MAGI1: variants seen among roughly 807,000 people sequenced by gnomAD.
MAGI1 encodes the protein membrane associated guanylate kinase, WW and PDZ domain containing 1.
Under a neutral mutation model 139.9 loss-of-function variants are expected in MAGI1, and 58 were observed. That is an observed-to-expected ratio of 0.41 (90% CI 0.34 to 0.52). The LOEUF (loss-of-function observed/expected upper bound fraction) is 0.52, where lower values mean the gene tolerates loss of function less well. MAGI1 is among the 20% of genes least tolerant of loss of function. MAGI1 has a pLI of 0.12. For synonymous variants in MAGI1, 812 were observed against 737.9 expected, an observed-to-expected ratio of 1.10 and a Z score of -1.63; for missense variants, 1,874 against 1,901.6, an observed-to-expected ratio of 0.99 and a Z score of 0.27.
chr3:65,753,376 C>A (rs959031324), intron 1 of MAGI1, among the ~76,000 whole-genome samples: 1 of 152,090 alleles, frequency 6.6e-6, no homozygotes, highest in African/African-American at 2.4e-5. Context: ...TGAATCTTCA[C>A]CAAAAACACC....
At chr3:65,742,271 A>G (rs768792405) in intron 1 of MAGI1, among the ~76,000 whole-genome samples, 1 of 152,148 alleles carries the variant, frequency 6.6e-6, no homozygotes, top group Non-Finnish European at 1.5e-5. Context: ...TTACATCATT[A>G]TTTCATTAAT....
At chr3:65,363,115 G>A (rs1249940338) in intron 21 of MAGI1, among the ~76,000 whole-genome samples, 2 of 152,112 alleles carry the variant, frequency 1.3e-5, no homozygotes, top group Non-Finnish European at 2.9e-5. Flanking sequence ...AAGCATCCCA[G>A]GGTACCCCAG....
intron 1 of MAGI1, among the ~76,000 whole-genome samples, chr3:65,748,877 G>A (rs1030360492): frequency 2.0e-5 from 3 of 152,114 alleles, no homozygotes; most frequent in Admixed American, 6.6e-5. Flanking sequence ...GAAATGACAC[G>A]GACAAAAGGG....
intron 1 of MAGI1, among the ~76,000 whole-genome samples, chr3:65,893,549 A>T (rs1384312955): frequency 6.6e-6 from 1 of 152,222 alleles, no homozygotes; most frequent in Non-Finnish European, 1.5e-5. Context: ...AATTCTCATC[A>T]GAAGTCCAGA....
chr3:65,673,693 C>G (rs1417721760), intron 1 of MAGI1, among the ~76,000 whole-genome samples: 2 of 152,190 alleles, frequency 1.3e-5, no homozygotes, highest in Non-Finnish European at 2.9e-5. Context: ...TCATTTGGAT[C>G]TTCAGACACA....
chr3:65,762,360 G>C (rs562154365), intron 1 of MAGI1, among the ~76,000 whole-genome samples: 1 of 152,052 alleles, frequency 6.6e-6, no homozygotes, highest in Non-Finnish European at 1.5e-5. Context: ...GAGGCGACTT[G>C]CAAGGCATTA....
chr3:65,548,593 G>A (rs1354817399), intron 2 of MAGI1, among the ~76,000 whole-genome samples: 1 of 135,118 alleles, frequency 7.4e-6, no homozygotes, highest in Non-Finnish European at 1.5e-5. Flanking sequence ...CGCGATCTCA[G>A]CTCACTGCAA....
intron 1 of MAGI1, chr3:65,844,410 G>T: frequency 2.9e-6 from 1 of 344,078 alleles, no homozygotes; most frequent in South Asian, 2.6e-5. Flanking sequence ...TATCCCAGAA[G>T]AAACTGAAGA....
intron 2 of MAGI1, among the ~76,000 whole-genome samples, chr3:65,606,188 T>A (rs1184886917): frequency 6.6e-6 from 1 of 152,152 alleles, no homozygotes; most frequent in African/African-American, 2.4e-5. Context: ...TAGGAACTTA[T>A]CCAAGATCAC....
chr3:65,393,162 A>G (rs1033083518), intron 13 of MAGI1, among the ~76,000 whole-genome samples: 2 of 152,176 alleles, frequency 1.3e-5, no homozygotes, highest in African/African-American at 4.8e-5. Flanking sequence ...TTTCTCCTCC[A>G]ACAGTGAATT....
At chr3:65,737,227 A>G (rs376459110) in intron 1 of MAGI1, among the ~76,000 whole-genome samples, 15 of 152,188 alleles carry the variant, frequency 9.9e-5, no homozygotes, top group East Asian at 3.9e-4. Context: ...GGATGGTCTC[A>G]ATCTCCTGAC....
At chr3:65,365,451 T>C (rs781099978) in intron 18 of MAGI1, among the ~76,000 whole-genome samples, 2 of 152,200 alleles carry the variant, frequency 1.3e-5, no homozygotes, top group African/African-American at 4.8e-5. Flanking sequence ...ACATATAATA[T>C]CCACTTTCTT....
intron 1 of MAGI1, among the ~76,000 whole-genome samples, chr3:65,895,965 C>T (rs768523997): frequency 2.0e-5 from 3 of 152,182 alleles, no homozygotes; most frequent in South Asian, 2.1e-4. Context: ...ACTCACTCAG[C>T]GCCCCTGCCC....
chr3:65,508,282 T>C (rs953320088), intron 2 of MAGI1, among the ~76,000 whole-genome samples: 1 of 151,862 alleles, frequency 6.6e-6, no homozygotes, highest in Non-Finnish European at 1.5e-5. Context: ...TGGGCGCCTG[T>C]AGTCCCAGCT....
intron 12 of MAGI1, among the ~76,000 whole-genome samples, chr3:65,427,057 T>C (rs1440112007): frequency 6.6e-6 from 1 of 152,222 alleles, no homozygotes; most frequent in Non-Finnish European, 1.5e-5. Flanking sequence ...CTCATGCCTG[T>C]AATCCTAGCA....
rs368021145 is a variant in MAGI1 at position 65,622,001 on chromosome 3, C to T, written c.401G>A (p.Arg134Lys). 4 of 1,613,486 alleles carry T rather than the reference C, an allele frequency of 2.5e-6. No individual in the cohort carries two copies. Among genetic ancestry groups the T allele is most frequent in the Non-Finnish European group, 3.4e-6 (4 of 1,179,706 alleles). ...SPDHELQQTI[R>K]DNLYRHAVPC... ...CACAGCATGGCGGTAAAGGTTATCCCTTATGGTCTGCTGGAGCTCATGATC... is the reference window on the plus strand; with the variant it reads ...CACAGCATGGCGGTAAAGGTTATCCTTTATGGTCTGCTGGAGCTCATGATC... The change falls in exon 2 of 23, where the codon AGG becomes AAG. Residue 134 changes from arginine (R) to lysine (K), a missense_variant. Coordinates refer to ENST00000402939, the MANE Select transcript of MAGI1 (RefSeq NM_001033057.2).
intron 2 of MAGI1, among the ~76,000 whole-genome samples, chr3:65,524,287 G>T (rs2078289615): frequency 6.6e-6 from 1 of 152,282 alleles, no homozygotes; most frequent in Non-Finnish European, 1.5e-5. Flanking sequence ...TCTCTCATAG[G>T]TTTCAAGAGA....
At chr3:65,500,162 A>G (rs1179596106) in intron 2 of MAGI1, among the ~76,000 whole-genome samples, 1 of 152,206 alleles carries the variant, frequency 6.6e-6, no homozygotes, top group Admixed American at 6.5e-5. Context: ...ATAGGAATAT[A>G]CTACAAGTAG....
intron 1 of MAGI1, among the ~76,000 whole-genome samples, chr3:65,985,115 T>C (rs1445335354): frequency 6.6e-6 from 1 of 152,202 alleles, no homozygotes; most frequent in Non-Finnish European, 1.5e-5. Flanking sequence ...TCTGTTACTC[T>C]CTTGATTTCT....
Sources: allele counts gnomAD v4.1 joint callset (sites outside exome capture counted in the v4.1 genomes callset), GRCh38; gene constraint gnomAD v4.1.1; transcripts MANE v1.5; gene names NCBI Gene and HGNC (gene_info 2026-07-23, HGNC 2026-07-21).